Variants in TPO observed in about 807,000 individuals in gnomAD.
TPO encodes thyroid peroxidase.
In TPO, 78 loss-of-function variants were observed where a neutral mutation model predicts 96.9. That is an observed-to-expected ratio of 0.81 (90% confidence interval 0.67 to 0.97). The LOEUF (loss-of-function observed/expected upper bound fraction) is 0.97. Among genes scored for constraint, TPO ranks in the 50% least tolerant of loss-of-function variants. The pLI is 0.00. For synonymous variants in TPO, 547 were observed against 538.0 expected (o/e 1.02, Z -0.23); for missense variants, 1,252 against 1,274.8 (o/e 0.98, Z 0.27).
Position 1,495,975 on chromosome 2 carries a change from C to G in TPO, c.2007-14C>G. 1 of 1,609,520 alleles carries G rather than the reference C, an allele frequency of 6.2e-7. No individual in the cohort carries two copies. Among genetic ancestry groups the G allele is most frequent in the South Asian group, 1.1e-5 (1 of 90,530 alleles). Reference sequence around the variant, plus strand: ...CATGCACTGTGACCTTACTCACTGTCTCCTTCTCTGGAGGTTTTGGTGGGA... The same window carrying G: ...CATGCACTGTGACCTTACTCACTGTGTCCTTCTCTGGAGGTTTTGGTGGGA... On this transcript the variant is annotated splice_polypyrimidine_tract_variant and intron_variant, in intron 11 of 16. Transcript: ENST00000329066.
Position 1,493,802 on chromosome 2 carries a change from G to T in TPO, c.1769G>T (p.Gly590Val). ...ACCCTGCAGCCTCTCCCCTGTGCAGGTTACAATGAGTGGAGGGAGTTCTGC... is the reference window on the plus strand; with the variant it reads ...ACCCTGCAGCCTCTCCCCTGTGCAGTTTACAATGAGTGGAGGGAGTTCTGC... ...LQRGRDHGLP[G>V]YNEWREFCGL... Residue 590 changes from glycine (G) to valine (V), a missense_variant and splice_region_variant, in exon 11 of 17, where the codon GGT becomes GTT. Gly to Val is a moderately radical substitution (Grantham distance 109). Coordinates refer to ENST00000329066, the MANE Select transcript of TPO (RefSeq NM_001206744.2). 1.2e-6 allele frequency: 2 copies of T among 1,614,132 alleles called. No homozygotes were observed. Among genetic ancestry groups the T allele is most frequent in the South Asian group, 2.2e-5 (2 of 91,064 alleles).
intron 8 of TPO, among the ~76,000 whole-genome samples, chr2:1,479,397 G>T (rs1387677239): frequency 6.6e-6 from 1 of 152,210 alleles, no homozygotes; most frequent in African/African-American, 2.4e-5. Flanking sequence ...TGTGAATGAA[G>T]TAGAATCTCA....
chr2:1,507,061 A>G (rs1470170128), intron 14 of TPO, among the ~76,000 whole-genome samples: 24 of 151,218 alleles, frequency 1.6e-4, no homozygotes, highest in Non-Finnish European at 3.2e-4. Flanking sequence ...TAATTTTTGT[A>G]TAAGGTGTAA....
intron 1 of TPO, among the ~76,000 whole-genome samples, chr2:1,385,777 G>C (rs1661884140): frequency 6.6e-6 from 1 of 151,942 alleles, no homozygotes; most frequent in Non-Finnish European, 1.5e-5. Context: ...GTTTGCTCTT[G>C]CTTCTCTAGT....
intron 1 of TPO, among the ~76,000 whole-genome samples, chr2:1,377,850 A>G (rs541528106): frequency 1.3e-5 from 2 of 152,308 alleles, no homozygotes; most frequent in East Asian, 1.9e-4. Context: ...GACTCAGAGT[A>G]TGAAGAGCTT....
intron 7 of TPO, among the ~76,000 whole-genome samples, chr2:1,473,866 A>G (rs1157843001): frequency 6.6e-6 from 1 of 152,170 alleles, no homozygotes. Flanking sequence ...TTATCCTCAG[A>G]TCGAAGACAT....
At chr2:1,528,708 C>G (rs1677222636) in intron 15 of TPO, among the ~76,000 whole-genome samples, 1 of 140,064 alleles carries the variant, frequency 7.1e-6, no homozygotes, top group Non-Finnish European at 1.5e-5. Context: ...TGCAACCTCC[C>G]CAAATCCCAC....
chr2:1,517,118 C>A, intron 15 of TPO, 136 bp downstream of exon 15: 2 of 864,172 alleles, frequency 2.3e-6, no homozygotes, highest in African/African-American at 1.7e-5. Context: ...GATCTCAGAG[C>A]TATTTTGTAC....
At chr2:1,439,410 C>G (rs186366239) in intron 5 of TPO, 4 of 152,544 alleles carry the variant, frequency 2.6e-5, no homozygotes, top group Admixed American at 2.6e-4. Flanking sequence ...AAATCGGTCA[C>G]TTGTTGTTAT....
intron 2 of TPO, among the ~76,000 whole-genome samples, chr2:1,421,578 G>A (rs1415792153): frequency 1.3e-5 from 2 of 152,214 alleles, no homozygotes; most frequent in African/African-American, 4.8e-5. Flanking sequence ...GCAAATAAGC[G>A]GTCGTGACTG....
chr2:1,498,755 T>C (rs1672597213), intron 13 of TPO, among the ~76,000 whole-genome samples: 1 of 152,134 alleles, frequency 6.6e-6, no homozygotes, highest in East Asian at 1.9e-4. Context: ...AAACTCGTGG[T>C]TGCTGTTAAC....
intron 15 of TPO, among the ~76,000 whole-genome samples, chr2:1,532,950 TCAAATCCCCCCACTGTGTCCAGCCTC>T: frequency 1.4e-5 from 1 of 71,606 alleles, no homozygotes. Context: ...TGCAACCTCC[TCAAATCCCCCCACTGTGTCCAGCCTC>T]CCCAAATCCC....
At chr2:1,418,630 G>A (rs531309759) in intron 2 of TPO, among the ~76,000 whole-genome samples, 1 of 152,342 alleles carries the variant, frequency 6.6e-6, no homozygotes, top group Admixed American at 6.5e-5. Flanking sequence ...AGAACCCTGT[G>A]TATTCATCAC....
chr2:1,427,687 C>T (rs77926864), intron 3 of TPO, among the ~76,000 whole-genome samples: 2,569 of 152,270 alleles, frequency 0.017, 89 homozygotes, highest in East Asian at 0.14. Context: ...GCTGTGGGTC[C>T]GGGAGACCAG....
chr2:1,466,201 T>C (rs1668878131), intron 7 of TPO, among the ~76,000 whole-genome samples: 1 of 152,230 alleles, frequency 6.6e-6, no homozygotes, highest in African/African-American at 2.4e-5. Flanking sequence ...ATTTATTGAC[T>C]TGTGTATGTT....
intron 5 of TPO, 138 bp from the exon 6 acceptor site, chr2:1,453,556 C>A: frequency 7.2e-7 from 1 of 1,390,500 alleles, no homozygotes; most frequent in Non-Finnish European, 1.0e-6. Context: ...CCTTTCGGGT[C>A]TTCTGGGGAG....
intron 3 of TPO, among the ~76,000 whole-genome samples, chr2:1,427,471 AGTGT>A (rs1470937635): frequency 6.6e-6 from 1 of 151,982 alleles, no homozygotes; most frequent in African/African-American, 2.4e-5. Flanking sequence ...TGGCCCCATG[AGTGT>A]GTGGGGGTGA....
intron 5 of TPO, among the ~76,000 whole-genome samples, chr2:1,449,762 A>G (rs562059648): frequency 1.3e-5 from 2 of 152,238 alleles, no homozygotes; most frequent in Non-Finnish European, 2.9e-5. Context: ...AAACAATGCC[A>G]GAATAAACAA....
At chr2:1,472,863 G>T (rs557446859) in intron 7 of TPO, among the ~76,000 whole-genome samples, 1 of 139,354 alleles carries the variant, frequency 7.2e-6, no homozygotes, top group Non-Finnish European at 1.5e-5. Flanking sequence ...GAGAGAGAGA[G>T]ATATTTCGTT....
Sources: gnomAD v4.1 joint callset for allele counts (sites outside exome capture counted in the v4.1 genomes callset) on GRCh38, gnomAD v4.1.1 for gene constraint, MANE v1.5 for transcripts, NCBI Gene and HGNC (gene_info 2026-07-23, HGNC 2026-07-21) for gene names.